Variants in CCSER2 observed in about 807,000 individuals in gnomAD.
CCSER2 encodes the protein coiled-coil serine rich protein 2.
CCSER2 carries 46 observed loss-of-function variants against 92.3 expected under a neutral mutation model. The observed-to-expected ratio is 0.50, with a 90% CI of 0.39 to 0.64. The LOEUF is 0.64. Ranked by LOEUF, CCSER2 falls within the 30% of genes least tolerant of loss-of-function variation. The pLI, the probability that CCSER2 is intolerant of heterozygous loss-of-function variation, is 0.00. For missense variants in CCSER2, 1,244 were observed against 1,238.9 expected, an observed-to-expected ratio of 1.00 and a Z score of -0.06; for synonymous variants, 433 against 431.4, an observed-to-expected ratio of 1.00 and a Z score of -0.04.
chr10:84,508,259 A>T (rs955349659), intron 9 of CCSER2, among the ~76,000 whole-genome samples: 4 of 152,152 alleles, frequency 2.6e-5, no homozygotes, highest in Non-Finnish European at 4.4e-5. Context: ...ATGCATGCAG[A>T]CTCAAGAGTT....
chr10:84,385,251 AC>A (rs1434164895), intron 3 of CCSER2, among the ~76,000 whole-genome samples: 8 of 152,178 alleles, frequency 5.3e-5, no homozygotes, highest in African/African-American at 1.7e-4. Flanking sequence ...ATTAGAAAAA[AC>A]AATCCTAAAA....
intron 3 of CCSER2, among the ~76,000 whole-genome samples, chr10:84,392,368 A>G (rs1292552021): frequency 2.0e-5 from 3 of 151,026 alleles, no homozygotes; most frequent in African/African-American, 7.3e-5. Flanking sequence ...ACAAAACAGC[A>G]CATTGTGGAA....
intron 5 of CCSER2, among the ~76,000 whole-genome samples, chr10:84,427,131 C>T (rs1843477367): frequency 6.6e-6 from 1 of 152,190 alleles, no homozygotes; most frequent in Admixed American, 6.5e-5. Context: ...TGGTGTGGAT[C>T]ATCCACATGA....
chr10:84,366,375 A>C (rs1236138836), intron 1 of CCSER2, among the ~76,000 whole-genome samples: 3 of 152,160 alleles, frequency 2.0e-5, no homozygotes, highest in Non-Finnish European at 4.4e-5. Context: ...ATTTACTTAA[A>C]AGTTGAGGAT....
chr10:84,387,118 C>G (rs1325562085), intron 3 of CCSER2, among the ~76,000 whole-genome samples: 1 of 152,168 alleles, frequency 6.6e-6, no homozygotes, highest in East Asian at 1.9e-4. Context: ...GGGCCTTTTT[C>G]ATACTACTGC....
chr10:84,384,740 C>T (rs1213302477), intron 3 of CCSER2, among the ~76,000 whole-genome samples: 3 of 152,070 alleles, frequency 2.0e-5, no homozygotes, highest in African/African-American at 4.8e-5. Context: ...CCCATCACTC[C>T]TATCAGCATA....
At chr10:84,392,014 TAAA>T (rs987428426) in intron 3 of CCSER2, 2 of 1,293,122 alleles carry the variant, frequency 1.5e-6, no homozygotes, top group African/African-American at 1.5e-5. Flanking sequence ...CCTCTTCCCT[TAAA>T]AAGAGCGTCT....
intron 7 of CCSER2, among the ~76,000 whole-genome samples, chr10:84,469,582 T>C (rs1169169490): frequency 6.6e-6 from 1 of 152,178 alleles, no homozygotes; most frequent in African/African-American, 2.4e-5. Flanking sequence ...TCTGGAAAGA[T>C]GTTATTCACA....
chr10:84,378,681 C>T (rs559411928), intron 3 of CCSER2, among the ~76,000 whole-genome samples: 8 of 152,192 alleles, frequency 5.3e-5, no homozygotes, highest in South Asian at 2.1e-4. Context: ...GTGATCCACC[C>T]GCCTTGGCCT....
chr10:84,502,746 G>A (rs1279920035), intron 9 of CCSER2, among the ~76,000 whole-genome samples: 1 of 152,100 alleles, frequency 6.6e-6, no homozygotes, highest in African/African-American at 2.4e-5. Context: ...GTAAAGCTTG[G>A]CTGTGAGTCT....
chr10:84,396,170 CTTAG>C (rs1841819660), intron 3 of CCSER2, among the ~76,000 whole-genome samples: 1 of 140,752 alleles, frequency 7.1e-6, no homozygotes, highest in Non-Finnish European at 1.5e-5. Flanking sequence ...AATATATTTT[CTTAG>C]TTATTCAACA....
chr10:84,372,408 C>T lies in CCSER2; in HGVS notation c.1356C>T (p.Ser452=), dbSNP rs759037265. 2 of 1,592,134 alleles carry T rather than the reference C, an allele frequency of 1.3e-6. No homozygotes were observed. Among genetic ancestry groups the T allele is most frequent in the South Asian group, 2.3e-5 (2 of 85,904 alleles). ...GGCCACCACAGGATATGTTTGATTC[C>T]CCCAAGGAAAATGAAAAAGCCTTCA... is the stretch of plus-strand genomic sequence containing the variant. ...ENGPPQDMFD[S]PKENEKAFSK... The change falls in exon 2 of 10, where the codon TCC becomes TCT. Residue 452 remains serine (S), a synonymous_variant. Coordinates refer to ENST00000372088, the MANE Select transcript of CCSER2 (RefSeq NM_001284240.2).
chr10:84,331,027 G>C (rs1843535704), intron 1 of CCSER2, among the ~76,000 whole-genome samples: 1 of 152,180 alleles, frequency 6.6e-6, no homozygotes, highest in Non-Finnish European at 1.5e-5. Flanking sequence ...ATTTGAATGG[G>C]AGTTGTGAGC....
chr10:84,455,595 A>G (rs1845569620), intron 6 of CCSER2: 5 of 525,556 alleles, frequency 9.5e-6, no homozygotes, highest in South Asian at 8.9e-5. Context: ...TTCTTTCTGC[A>G]TAAAATAAGA....
chr10:84,342,880 CTCTT>C (rs566045517), intron 1 of CCSER2, among the ~76,000 whole-genome samples: 16 of 152,228 alleles, frequency 1.1e-4, no homozygotes, highest in African/African-American at 3.4e-4. Context: ...GTTTCTCTTT[CTCTT>C]TCTTTTTTCT....
At chr10:84,430,184 G>A (rs1843687147) in intron 5 of CCSER2, among the ~76,000 whole-genome samples, 1 of 152,088 alleles carries the variant, frequency 6.6e-6, no homozygotes, top group Non-Finnish European at 1.5e-5. Context: ...CTGCAGTCCT[G>A]TAAGTAGTTT....
chr10:84,504,361 G>GA (rs941199306), intron 9 of CCSER2, among the ~76,000 whole-genome samples: 4 of 151,744 alleles, frequency 2.6e-5, no homozygotes, highest in East Asian at 1.9e-4. Flanking sequence ...TCTATGGCAG[G>GA]AAAAAATGTT....
chr10:84,365,831 A>G (rs1845749999), intron 1 of CCSER2, among the ~76,000 whole-genome samples: 1 of 152,222 alleles, frequency 6.6e-6, no homozygotes, highest in African/African-American at 2.4e-5. Context: ...TCTGACTCAC[A>G]GGCTCTTTAA....
intron 5 of CCSER2, among the ~76,000 whole-genome samples, chr10:84,426,409 G>A (rs115077059): frequency 3.4e-3 from 520 of 152,216 alleles, no homozygotes; most frequent in African/African-American, 9.4e-3. Context: ...ATGAGGCTCC[G>A]TAGTCATTCA....
Sources: gnomAD v4.1 joint callset for allele counts (sites outside exome capture counted in the v4.1 genomes callset) on GRCh38, gnomAD v4.1.1 for gene constraint, MANE v1.5 for transcripts, NCBI Gene and HGNC (gene_info 2026-07-23, HGNC 2026-07-21) for gene names.